DOCK5: variants seen among roughly 807,000 people sequenced by gnomAD.
DOCK5 encodes the protein dedicator of cytokinesis 5, also known as dedicator of cytokinesis protein 5.
In DOCK5, 142 loss-of-function variants were observed where a neutral mutation model predicts 251.8. That is an observed-to-expected ratio of 0.56 (90% CI 0.49 to 0.65). The LOEUF is 0.65. Ranked by LOEUF, DOCK5 falls within the 30% of genes least tolerant of loss-of-function variation. The pLI, the probability that DOCK5 is intolerant of heterozygous loss-of-function variation, is 0.00. For missense variants in DOCK5, 2,111 were observed against 2,312.3 expected, an observed-to-expected ratio of 0.91 and a Z score of 1.79; for synonymous variants, 842 against 835.5, an observed-to-expected ratio of 1.01 and a Z score of -0.13.
intron 5 of DOCK5, among the ~76,000 whole-genome samples, chr8:25,281,529 C>T (rs571797244): frequency 2.7e-5 from 4 of 147,860 alleles, no homozygotes; most frequent in Non-Finnish European, 5.9e-5. Context: ...GTGATAAGGT[C>T]TTGTTGAACA....
At chr8:25,233,093 C>G (rs1464987212) in intron 1 of DOCK5, among the ~76,000 whole-genome samples, 1 of 152,088 alleles carries the variant, frequency 6.6e-6, no homozygotes, top group Non-Finnish European at 1.5e-5. Context: ...CCACCTTGAC[C>G]CCCCTGAATT....
At chr8:25,320,806 A>C (rs1442644917) in intron 15 of DOCK5, among the ~76,000 whole-genome samples, 174 bp from the exon 16 acceptor site, 2 of 152,200 alleles carry the variant, frequency 1.3e-5, no homozygotes, top group African/African-American at 2.4e-5. Context: ...AGATGATCTG[A>C]GATTCTTTTG....
chr8:25,261,705 C>T (rs1261196462), intron 2 of DOCK5, among the ~76,000 whole-genome samples: 4 of 152,134 alleles, frequency 2.6e-5, no homozygotes, highest in Admixed American at 6.5e-5. Flanking sequence ...CCTAACATTC[C>T]GATCAAGATA....
intron 1 of DOCK5, among the ~76,000 whole-genome samples, chr8:25,227,685 A>G (rs1476733438): frequency 1.3e-5 from 2 of 152,156 alleles, no homozygotes; most frequent in Admixed American, 1.3e-4. Context: ...TGAGGTTCTA[A>G]TCCTATTTAA....
At chr8:25,294,129 C>T (rs1267354390) in intron 6 of DOCK5, among the ~76,000 whole-genome samples, 1 of 152,168 alleles carries the variant, frequency 6.6e-6, no homozygotes. Flanking sequence ...ATCTCTGGCA[C>T]AGGATGTTCA....
intron 9 of DOCK5, 149 bp downstream of exon 9, chr8:25,300,806 T>C (rs1231851508): frequency 2.5e-6 from 2 of 796,814 alleles, no homozygotes; most frequent in Admixed American, 2.8e-5. Flanking sequence ...TTATTCAACA[T>C]GTACTTCAAT....
Position 25,327,768 on chromosome 8 carries a change from G to A in DOCK5, c.1903+2221G>A, listed in dbSNP as rs79507632. 3.6e-3 allele frequency among the ~76,000 whole-genome samples: 554 copies of A among 152,142 alleles called. 1 individual carries two copies. The highest frequency in any genetic ancestry group is 0.013 in the African/African-American group (525 of 41,510). ...AGATTGGGGAGAAGTTGGACAAAAG[G>A]TACAAAAGCTCAATTAGACAAGAGG... On this transcript the variant is annotated intron_variant, in intron 18 of 51. Transcript: ENST00000276440.
chr8:25,363,139 C>T lies in DOCK5; in HGVS notation c.3042C>T (p.Asn1014=). The change falls in exon 29 of 52, where the codon AAC becomes AAT. Residue 1014 remains asparagine (N), a splice_region_variant and synonymous_variant. Coordinates refer to ENST00000276440, the MANE Select transcript of DOCK5 (RefSeq NM_024940.8). ...GGATGGTGATGAATATGACTCAAAA[C>T]AGGTGAGACAGCCCATGGCTGGCCC... ...KDWMVMNMTQ[N]RVFLRAINQF... The T allele has an allele frequency of 1.9e-6, 3 of 1,613,578 alleles. No homozygotes were observed. The highest frequency in any genetic ancestry group is 1.1e-5 in the South Asian group (1 of 91,090).
chr8:25,189,162 A>T (rs1000792082), intron 1 of DOCK5, among the ~76,000 whole-genome samples: 2 of 150,990 alleles, frequency 1.3e-5, no homozygotes, highest in African/African-American at 4.9e-5. Flanking sequence ...CTGGAACTGC[A>T]GGTGTGCACC....
In DOCK5 at chr8:25,263,642, G is replaced by A. The variant is rs545988291; in HGVS notation, c.128-5203G>A. 3.5e-3 allele frequency among the ~76,000 whole-genome samples: 530 copies of A among 151,190 alleles called. 3 individuals carry two copies. Among genetic ancestry groups the A allele is most frequent in the Middle Eastern group, 6.8e-3 (2 of 294 alleles). On this transcript the variant is annotated intron_variant, in intron 2 of 51. Transcript: ENST00000276440. ...TCACCCCGTTTTAGCTCAGCTATCC[G>A]AGGCCAGTGCACCACCCCCAAGTCC...
chr8:25,253,020 TGC>T (rs1274638472), intron 2 of DOCK5, among the ~76,000 whole-genome samples: 2 of 152,192 alleles, frequency 1.3e-5, no homozygotes, highest in African/African-American at 4.8e-5. Flanking sequence ...GACGTGGTTT[TGC>T]CATGTTGGCT....
intron 11 of DOCK5, among the ~76,000 whole-genome samples, chr8:25,307,715 G>A (rs1458544522): frequency 6.6e-6 from 1 of 152,098 alleles, no homozygotes. Context: ...TCCTGAGATT[G>A]TCCCCACTGT....
intron 1 of DOCK5, among the ~76,000 whole-genome samples, chr8:25,197,750 A>ATTTTTTTTTT (rs71214555): frequency 2.1e-5 from 2 of 95,766 alleles, no homozygotes; most frequent in Non-Finnish European, 4.2e-5. Context: ...TGCCAAGCTA[A>ATTTTTTTTTT]TTTTTTTTTT....
chr8:25,257,350 A>T (rs767401715), intron 2 of DOCK5, among the ~76,000 whole-genome samples: 10 of 152,098 alleles, frequency 6.6e-5, no homozygotes, highest in Admixed American at 2.6e-4. Flanking sequence ...ATCAATGTGG[A>T]GATTTAGGTT....
At position 25,372,797 on chromosome 8, in the gene DOCK5, C is replaced by T. The variant is rs1185322022; in HGVS notation, c.3684+79C>T. 5 of 1,415,324 alleles carry T rather than the reference C, an allele frequency of 3.5e-6. No homozygotes were observed. In the East Asian group the frequency reaches 1.1e-4, roughly 31 times the overall value. The allele number at this position is 1,415,324 out of a possible 1,614,324, so 87.7% of individuals were successfully genotyped here. A position where few individuals can be genotyped will look rare whatever the true frequency, so the allele number is the denominator to read the frequency against. ...CCCTACAGCTCAGCTCTAGGTAGATCCCACAAACACAGAGGCGCCCTGAGG... is the reference window on the plus strand; with the variant it reads ...CCCTACAGCTCAGCTCTAGGTAGATTCCACAAACACAGAGGCGCCCTGAGG... On this transcript the variant is annotated intron_variant, in intron 35 of 51. Coordinates refer to ENST00000276440, the MANE Select transcript of DOCK5 (RefSeq NM_024940.8).
At chr8:25,240,733 G>T (rs775533817) in intron 1 of DOCK5, among the ~76,000 whole-genome samples, 19 of 152,076 alleles carry the variant, frequency 1.2e-4, no homozygotes, top group Admixed American at 3.3e-4. Flanking sequence ...CCATTTTGGG[G>T]GCTATTGTGA....
chr8:25,243,910 A>G (rs74849255), intron 2 of DOCK5, among the ~76,000 whole-genome samples, 153 bp downstream of exon 2: 1,882 of 152,328 alleles, frequency 0.012, 38 homozygotes, highest in African/African-American at 0.043. Flanking sequence ...ACAATTTTGA[A>G]CAGAGTGTGA....
chr8:25,230,483 C>A (rs948312752), intron 1 of DOCK5, among the ~76,000 whole-genome samples: 5 of 152,140 alleles, frequency 3.3e-5, no homozygotes, highest in African/African-American at 1.2e-4. Context: ...CATTATGATC[C>A]TCTCCTGCAT....
chr8:25,341,331 G>A (rs771172448), intron 23 of DOCK5, among the ~76,000 whole-genome samples: 2 of 152,050 alleles, frequency 1.3e-5, no homozygotes, highest in Non-Finnish European at 2.9e-5. Flanking sequence ...ACCCAGAAGT[G>A]CAAAGTCACC....
Sources: allele counts gnomAD v4.1 joint callset (sites outside exome capture counted in the v4.1 genomes callset), GRCh38; gene constraint gnomAD v4.1.1; transcripts MANE v1.5; gene names NCBI Gene and HGNC (gene_info 2026-07-23, HGNC 2026-07-21).